Variants in ERC2 observed in about 807,000 individuals in gnomAD.
ERC2 encodes ELKS/RAB6-interacting/CAST family member 2, also known as ERC protein 2.
ERC2 carries 42 observed loss-of-function variants against 114.8 expected under a neutral mutation model. The observed-to-expected ratio is 0.37, with a 90% CI of 0.29 to 0.47. ERC2 has a LOEUF of 0.47. Among genes scored for constraint, ERC2 ranks in the 20% least tolerant of loss-of-function variants. The pLI is 0.99. For missense variants in ERC2, 939 were observed against 1,150.7 expected (o/e 0.82, Z 2.66); for synonymous variants, 454 against 425.5 (o/e 1.07, Z -0.82).
chr3:56,432,360 A>G (rs999844864), intron 2 of ERC2, among the ~76,000 whole-genome samples: 5 of 152,276 alleles, frequency 3.3e-5, no homozygotes, highest in East Asian at 1.9e-4. Context: ...TGCTTTAACC[A>G]TTTTCCAAAA....
chr3:55,554,513 G>A (rs973322846), intron 17 of ERC2, among the ~76,000 whole-genome samples: 5 of 152,218 alleles, frequency 3.3e-5, no homozygotes, highest in Non-Finnish European at 7.3e-5. Context: ...TCTGACAAGA[G>A]ACACAGGCCT....
intron 3 of ERC2, among the ~76,000 whole-genome samples, chr3:56,292,679 T>C (rs1360235620): frequency 2.0e-5 from 3 of 150,454 alleles, no homozygotes; most frequent in Non-Finnish European, 3.0e-5. Flanking sequence ...ATTCAAACAC[T>C]AGCTTCACCA....
At chr3:55,980,728 G>C (rs2070059277) in intron 12 of ERC2, among the ~76,000 whole-genome samples, 1 of 150,930 alleles carries the variant, frequency 6.6e-6, no homozygotes, top group Non-Finnish European at 1.5e-5. Flanking sequence ...GAGAGAAACA[G>C]GGAAAAGAAA....
Position 55,555,693 on chromosome 3 carries a change from T to C in ERC2, c.*40-44417A>G, listed in dbSNP as rs181317918. 1.4e-4 allele frequency among the ~76,000 whole-genome samples: 21 copies of C among 152,312 alleles called. No individual in the cohort carries two copies. The East Asian group carries it at 3.5e-3, about 25-fold the overall frequency. The stretch of plus-strand genomic sequence containing the variant: ...CCACAGTTAAGTGAGATGAAGCCTT[T>C]AGTGTGACGGCAAGTGAACCTGCAA... On this transcript the variant is annotated intron_variant, in intron 17 of 17. Transcript: ENST00000288221.
At chr3:56,285,011 T>TCACACA (rs1224717422) in intron 3 of ERC2, among the ~76,000 whole-genome samples, 3 of 95,762 alleles carry the variant, frequency 3.1e-5, no homozygotes, top group African/African-American at 1.0e-4. Context: ...TCTCTCTCTC[T>TCACACA]CACACACACA....
intron 14 of ERC2, among the ~76,000 whole-genome samples, chr3:55,867,153 G>A (rs1301095178): frequency 1.3e-5 from 2 of 149,728 alleles, no homozygotes; most frequent in African/African-American, 4.9e-5. Context: ...TCCTTCCTAA[G>A]TCCCTTCCTT....
chr3:56,419,694 G>A (rs140156034), intron 2 of ERC2, among the ~76,000 whole-genome samples: 2 of 152,284 alleles, frequency 1.3e-5, no homozygotes, highest in Admixed American at 6.5e-5. Flanking sequence ...CAACACATGT[G>A]CAATATTTTA....
At chr3:55,526,619 G>C (rs2053333462) in intron 17 of ERC2, among the ~76,000 whole-genome samples, 1 of 152,194 alleles carries the variant, frequency 6.6e-6, no homozygotes, top group Non-Finnish European at 1.5e-5. Context: ...AGCCCCAACA[G>C]GTTTTTTCAG....
At chr3:56,123,194 GTTGAAA>G (rs1437505819) in intron 6 of ERC2, among the ~76,000 whole-genome samples, 2 of 152,086 alleles carry the variant, frequency 1.3e-5, no homozygotes, top group African/African-American at 4.8e-5. Flanking sequence ...AAATTCATAT[GTTGAAA>G]TATTAACCTC....
At chr3:56,161,383 T>G (rs1010131598) in intron 4 of ERC2, among the ~76,000 whole-genome samples, 9 of 152,176 alleles carry the variant, frequency 5.9e-5, no homozygotes, top group Non-Finnish European at 1.5e-5. Flanking sequence ...GCTATTCAAG[T>G]TCTTTTTTGG....
chr3:55,852,548 A>T (rs1162659661), intron 14 of ERC2: 68 of 104,898 alleles, frequency 6.5e-4, no homozygotes, highest in African/African-American at 4.8e-3. Flanking sequence ...TTTAAATTAA[A>T]AAAAAATTCC....
At chr3:56,263,578 A>G (rs1297539111) in intron 3 of ERC2, among the ~76,000 whole-genome samples, 1 of 152,112 alleles carries the variant, frequency 6.6e-6, no homozygotes. Flanking sequence ...AAATAGATAA[A>G]TTCCTAGAAG....
intron 14 of ERC2, among the ~76,000 whole-genome samples, chr3:55,840,404 G>A (rs1424869203): frequency 1.3e-5 from 2 of 151,716 alleles, no homozygotes; most frequent in Non-Finnish European, 1.5e-5. Flanking sequence ...TTAGGGAAAG[G>A]CAAAATAAAA....
chr3:55,618,816 A>G (rs1437940725), intron 17 of ERC2, among the ~76,000 whole-genome samples: 1 of 152,220 alleles, frequency 6.6e-6, no homozygotes, highest in African/African-American at 2.4e-5. Context: ...AAAATTGAAT[A>G]AAAACAAAAC....
chr3:55,978,080 C>T (rs543399744), intron 12 of ERC2, among the ~76,000 whole-genome samples: 1 of 152,286 alleles, frequency 6.6e-6, no homozygotes, highest in East Asian at 1.9e-4. Context: ...ACAGAGCAGA[C>T]ATACCATCAC....
At chr3:55,997,061 T>C (rs3736506) in intron 10 of ERC2, among the ~76,000 whole-genome samples, 49,816 of 152,108 alleles carry the variant, frequency 0.33, 8,781 homozygotes, top group East Asian at 0.49. Context: ...TCCAGAAACC[T>C]GCTGTGAAAC....
At chr3:56,424,250 A>T (rs1008668164) in intron 2 of ERC2, among the ~76,000 whole-genome samples, 1 of 152,148 alleles carries the variant, frequency 6.6e-6, no homozygotes, top group Non-Finnish European at 1.5e-5. Context: ...AGACTAAAAT[A>T]ATCTATTCAT....
intron 17 of ERC2, among the ~76,000 whole-genome samples, chr3:55,617,014 C>G (rs2059148190): frequency 6.6e-6 from 1 of 152,090 alleles, no homozygotes; most frequent in African/African-American, 2.4e-5. Flanking sequence ...GCAGGCTTTG[C>G]CGATGGAAGG....
intron 1 of ERC2, chr3:56,467,076 A>G (rs1286513589): frequency 6.6e-6 from 1 of 152,246 alleles, no homozygotes; most frequent in East Asian, 1.9e-4. Context: ...ACTTGCTTCT[A>G]AAAGTCCATT....
Sources: allele counts gnomAD v4.1 joint callset (sites outside exome capture counted in the v4.1 genomes callset), GRCh38; gene constraint gnomAD v4.1.1; transcripts MANE v1.5; gene names NCBI Gene and HGNC (gene_info 2026-07-23, HGNC 2026-07-21).